EPHA6: variants seen among roughly 807,000 people sequenced by gnomAD.
EPHA6 encodes the protein EPH receptor A6.
In EPHA6, 50 loss-of-function variants were observed where a neutral mutation model predicts 112.0. The observed-to-expected ratio is 0.45, with a 90% CI of 0.36 to 0.56. The LOEUF (loss-of-function observed/expected upper bound fraction) is 0.56. Among genes scored for constraint, EPHA6 ranks in the 20% least tolerant of loss-of-function variants. The pLI is 0.00. For synonymous variants in EPHA6, 529 were observed against 490.7 expected, an observed-to-expected ratio of 1.08 and a Z score of -1.03; for missense variants, 1,280 against 1,417.4, an observed-to-expected ratio of 0.90 and a Z score of 1.56.
At chr3:97,437,352 T>C (rs1056859628) in intron 6 of EPHA6, among the ~76,000 whole-genome samples, 25 of 152,180 alleles carry the variant, frequency 1.6e-4, no homozygotes, top group Non-Finnish European at 3.5e-4. Context: ...ACATGTTGCC[T>C]TTCTAGTTTC....
intron 1 of EPHA6, among the ~76,000 whole-genome samples, chr3:96,849,936 A>G (rs1372450571): frequency 1.3e-5 from 2 of 152,182 alleles, no homozygotes; most frequent in African/African-American, 2.4e-5. Context: ...AAATAATTAT[A>G]TTACGTTACA....
At chr3:96,994,759 A>AGAGAGAGAGAGAGAGAGAGCGAGC (rs763682996) in intron 3 of EPHA6, among the ~76,000 whole-genome samples, 46 of 116,232 alleles carry the variant, frequency 4.0e-4, no homozygotes, top group African/African-American at 1.0e-3. Flanking sequence ...AGAGAGAGAG[A>AGAGAGAGAGAGAGAGAGAGCGAGC]GAGCTATATA....
intron 3 of EPHA6, among the ~76,000 whole-genome samples, chr3:97,204,860 A>G (rs1500701): frequency 0.06 from 9,075 of 152,200 alleles, 661 homozygotes; most frequent in Admixed American, 0.2. Context: ...CATTTTGCCT[A>G]CTAATCTTTA....
At chr3:96,922,233 C>CA (rs1220816250) in intron 2 of EPHA6, among the ~76,000 whole-genome samples, 6 of 152,178 alleles carry the variant, frequency 3.9e-5, no homozygotes, top group South Asian at 4.1e-4. Flanking sequence ...GCATTCATTA[C>CA]AAAAAATGCC....
intron 2 of EPHA6, among the ~76,000 whole-genome samples, chr3:96,938,053 C>G (rs2040704170): frequency 6.6e-6 from 1 of 151,878 alleles, no homozygotes; most frequent in African/African-American, 2.4e-5. Context: ...ATGCCTCCAG[C>G]TTTGTTCTTT....
intron 5 of EPHA6, among the ~76,000 whole-genome samples, chr3:97,349,448 A>G: frequency 6.6e-6 from 1 of 152,104 alleles, no homozygotes; most frequent in East Asian, 1.9e-4. Context: ...TCATCAACCC[A>G]TATTTATTGA....
chr3:96,941,560 G>A (rs1051367147), intron 2 of EPHA6, among the ~76,000 whole-genome samples: 23 of 152,122 alleles, frequency 1.5e-4, no homozygotes, highest in Admixed American at 2.6e-4. Context: ...CCTGTAGCTC[G>A]GAGTAGTTTG....
chr3:97,272,931 T>G (rs921255832), intron 5 of EPHA6, among the ~76,000 whole-genome samples: 1 of 151,866 alleles, frequency 6.6e-6, no homozygotes, highest in Non-Finnish European at 1.5e-5. Context: ...GCAAAAATTT[T>G]GGGGGGTGGT....
chr3:97,720,151 T>C, intron 14 of EPHA6, 110 bp from the exon 15 acceptor site: 1 of 842,062 alleles, frequency 1.2e-6, no homozygotes. Flanking sequence ...AAAATGCCAG[T>C]GCTATTATGA....
At chr3:97,165,628 A>C (rs986300889) in intron 3 of EPHA6, among the ~76,000 whole-genome samples, 1 of 152,064 alleles carries the variant, frequency 6.6e-6, no homozygotes, top group Admixed American at 6.6e-5. Flanking sequence ...GACAGACTAG[A>C]AGTGATTGTT....
At chr3:97,224,008 A>C (rs1356414549) in intron 3 of EPHA6, among the ~76,000 whole-genome samples, 1 of 152,140 alleles carries the variant, frequency 6.6e-6, no homozygotes, top group Non-Finnish European at 1.5e-5. Flanking sequence ...GCTAAAGTAC[A>C]TACAGGATTT....
At chr3:97,600,576 C>T (rs887755096) in intron 12 of EPHA6, among the ~76,000 whole-genome samples, 1 of 152,022 alleles carries the variant, frequency 6.6e-6, no homozygotes, top group East Asian at 1.9e-4. Flanking sequence ...ATTATTTAAC[C>T]TTCCTCCCCA....
intron 5 of EPHA6, among the ~76,000 whole-genome samples, chr3:97,385,183 T>G (rs2085987113): frequency 6.6e-6 from 1 of 152,190 alleles, no homozygotes. Flanking sequence ...TATCTTTTGA[T>G]GTGGAGGCCA....
chr3:97,688,179 A>C (rs1206909180), intron 14 of EPHA6, among the ~76,000 whole-genome samples: 1 of 152,118 alleles, frequency 6.6e-6, no homozygotes, highest in African/African-American at 2.4e-5. Context: ...TGCCAGTGGA[A>C]ATTTCTGATT....
At chr3:97,624,021 C>T (rs1237038234) in intron 13 of EPHA6, among the ~76,000 whole-genome samples, 1 of 151,260 alleles carries the variant, frequency 6.6e-6, no homozygotes. Flanking sequence ...GGGTGGACTT[C>T]TGTGTTTCTG....
At chr3:97,488,800 A>G (rs2091762535) in intron 10 of EPHA6, among the ~76,000 whole-genome samples, 1 of 152,190 alleles carries the variant, frequency 6.6e-6, no homozygotes, top group South Asian at 2.1e-4. Flanking sequence ...TTTCTTGTGT[A>G]TTCTTGAAAA....
At chr3:97,701,465 G>A (rs928224033) in intron 14 of EPHA6, among the ~76,000 whole-genome samples, 1 of 152,044 alleles carries the variant, frequency 6.6e-6, no homozygotes, top group Non-Finnish European at 1.5e-5. Flanking sequence ...TGCATTAACA[G>A]TTATATCCTT....
At chr3:96,839,882 T>G (rs2034632417) in intron 1 of EPHA6, among the ~76,000 whole-genome samples, 1 of 152,046 alleles carries the variant, frequency 6.6e-6, no homozygotes, top group Admixed American at 6.6e-5. Flanking sequence ...GATTAAGTAA[T>G]CCAGTTAAAA....
rs2093853653 is a variant in EPHA6 at position 97,626,009 on chromosome 3, T to TA, written c.2575-11863dup. Among the ~76,000 whole-genome samples, 3 of 151,878 alleles carry TA rather than the reference T, an allele frequency of 2.0e-5. No homozygotes were observed. In the South Asian group the frequency reaches 6.2e-4, roughly 31 times the overall value. On this transcript the variant is annotated intron_variant, in intron 13 of 17. Coordinates refer to ENST00000389672, the MANE Select transcript of EPHA6 (RefSeq NM_001080448.3). Reference sequence around the variant, plus strand: ...CTATACAAAGTAGTAGAAGAGTTTTTATGGGAATTTTGAGGACAAACTTTC... The same window carrying TA: ...CTATACAAAGTAGTAGAAGAGTTTTTAATGGGAATTTTGAGGACAAACTTTC...
Sources: gnomAD v4.1 joint callset for allele counts (sites outside exome capture counted in the v4.1 genomes callset) on GRCh38, gnomAD v4.1.1 for gene constraint, MANE v1.5 for transcripts, NCBI Gene and HGNC (gene_info 2026-07-23, HGNC 2026-07-21) for gene names.